Variants in DNM3 observed in about 807,000 individuals in gnomAD.
The protein encoded by DNM3 is dynamin 3, also known as dynamin-3.
In DNM3, 47 loss-of-function variants were observed where a neutral mutation model predicts 101.6. The ratio of observed to expected loss-of-function variants is 0.46; its 90% CI spans 0.37 to 0.59. The LOEUF is 0.59. Among genes scored for constraint, DNM3 ranks in the 20% least tolerant of loss-of-function variants. The pLI, the probability that DNM3 is intolerant of heterozygous loss-of-function variation, is 0.00. For synonymous variants in DNM3, 385 were observed against 387.9 expected (o/e 0.99, Z 0.09); for missense variants, 849 against 1,085.7 (o/e 0.78, Z 3.06).
chr1:172,040,641 T>C (rs879248541), intron 7 of DNM3, among the ~76,000 whole-genome samples: 1 of 152,074 alleles, frequency 6.6e-6, no homozygotes, highest in Admixed American at 6.6e-5. Flanking sequence ...CTAATAGACA[T>C]GGCAATGTTA....
intron 14 of DNM3, among the ~76,000 whole-genome samples, chr1:172,165,287 C>CA (rs2058705182): frequency 6.6e-6 from 1 of 151,382 alleles, no homozygotes; most frequent in Admixed American, 6.6e-5. Context: ...AAAGATAGAA[C>CA]AAAATGACAA....
Position 171,977,253 on chromosome 1 carries a change from G to A in DNM3, c.236-10403G>A, listed in dbSNP as rs558064691. Among the ~76,000 whole-genome samples, 14 of 152,332 alleles carry A rather than the reference G, an allele frequency of 9.2e-5. No individual in the cohort carries two copies. In the South Asian group the frequency reaches 2.3e-3, roughly 25 times the overall value. ...ACAAAGTCTTTGATGTAAATCTCAT[G>A]CATTACAGGGTCCCAGCCTTATTCT... On this transcript the variant is annotated intron_variant, in intron 2 of 20. Transcript: ENST00000627582.
intron 15 of DNM3, among the ~76,000 whole-genome samples, chr1:172,278,277 T>C (rs1419641610): frequency 6.6e-6 from 1 of 152,130 alleles, no homozygotes. Context: ...CAACTCATCA[T>C]TTATAGCCCC....
chr1:172,011,879 A>T (rs1384416141), intron 4 of DNM3, among the ~76,000 whole-genome samples: 1 of 152,054 alleles, frequency 6.6e-6, no homozygotes, highest in Non-Finnish European at 1.5e-5. Flanking sequence ...TGCTTTAAGC[A>T]TCAAGGAACA....
chr1:172,093,108 C>T (rs2054021020), intron 13 of DNM3, among the ~76,000 whole-genome samples: 1 of 152,118 alleles, frequency 6.6e-6, no homozygotes, highest in Non-Finnish European at 1.5e-5. Context: ...CTGCTACTTG[C>T]TCTGCATTTC....
intron 1 of DNM3, among the ~76,000 whole-genome samples, chr1:171,918,023 G>A (rs1247608447): frequency 6.6e-6 from 1 of 152,154 alleles, no homozygotes; most frequent in Non-Finnish European, 1.5e-5. Flanking sequence ...CTGAAGGCAG[G>A]CATAAGTGCT....
chr1:171,866,188 C>T (rs922545684), intron 1 of DNM3, among the ~76,000 whole-genome samples: 1 of 152,120 alleles, frequency 6.6e-6, no homozygotes, highest in Non-Finnish European at 1.5e-5. Context: ...CCAGTGTCAA[C>T]CCCCACCTTA....
rs1378027987 is a variant in DNM3, at chr1:172,408,006, C to A, written c.*165C>A. 1 of 1,472,420 alleles carries A rather than the reference C, an allele frequency of 6.8e-7. No homozygotes were observed. Among genetic ancestry groups the A allele is most frequent in the Admixed American group, 2.3e-5 (1 of 43,944 alleles). 91.2% of individuals were successfully genotyped at this position (1,472,420 alleles called of 1,614,324 possible). A position where few individuals can be genotyped will look rare whatever the true frequency, so the allele number is the denominator to read the frequency against. On this transcript the variant is annotated 3_prime_UTR_variant, in exon 21 of 21. Transcript: ENST00000627582. ...CTCATCTTCATTGCTCATGGTATGT[C>A]AAACCTTTGGGGTTTGACTCAGAAA... is the stretch of plus-strand genomic sequence containing the variant.
At chr1:171,841,889 G>A in intron 1 of DNM3, 72 bp downstream of exon 1, 2 of 1,533,652 alleles carry the variant, frequency 1.3e-6, no homozygotes, top group Non-Finnish European at 8.7e-7. Context: ...GAACGTGGAC[G>A]GGCAGCGGGA....
intron 15 of DNM3, among the ~76,000 whole-genome samples, chr1:172,297,421 A>C (rs2064221766): frequency 6.6e-6 from 1 of 152,114 alleles, no homozygotes; most frequent in African/African-American, 2.4e-5. Context: ...TTAGGATTGT[A>C]AGTGTATTAT....
intron 14 of DNM3, among the ~76,000 whole-genome samples, chr1:172,232,196 C>A (rs187330592): frequency 1.1e-3 from 174 of 152,222 alleles, no homozygotes; most frequent in African/African-American, 4.0e-3. Flanking sequence ...GGAGGAAGAT[C>A]TACCAAGCAA....
intron 17 of DNM3, among the ~76,000 whole-genome samples, chr1:172,371,885 T>A (rs1376623244): frequency 6.7e-6 from 1 of 148,538 alleles, no homozygotes; most frequent in African/African-American, 2.5e-5. Context: ...TTATTTTTTT[T>A]ACTTTTTTAT....
intron 14 of DNM3, among the ~76,000 whole-genome samples, chr1:172,135,376 C>T (rs542124957): frequency 6.6e-6 from 1 of 152,158 alleles, no homozygotes; most frequent in East Asian, 1.9e-4. Flanking sequence ...CACGTCCTGG[C>T]ATATCAAGTG....
chr1:172,285,760 C>T (rs1276139277), intron 15 of DNM3, among the ~76,000 whole-genome samples: 2 of 151,880 alleles, frequency 1.3e-5, no homozygotes, highest in Non-Finnish European at 1.5e-5. Context: ...TACATAAAAC[C>T]ATTGGCACCA....
intron 12 of DNM3, among the ~76,000 whole-genome samples, chr1:172,086,650 C>T (rs547854426): frequency 2.4e-4 from 37 of 152,222 alleles, no homozygotes; most frequent in Admixed American, 5.9e-4. Flanking sequence ...ATAGTGACTC[C>T]GGCTGATGGC....
At chr1:172,394,275 T>C (rs977024649) in intron 20 of DNM3, 3 of 152,232 alleles carry the variant, frequency 2.0e-5, no homozygotes, top group Non-Finnish European at 2.9e-5. Context: ...GCAGTCTGTT[T>C]AGGCGAGGCC....
intron 2 of DNM3, among the ~76,000 whole-genome samples, chr1:171,957,616 C>T (rs2042950260): frequency 6.6e-6 from 1 of 152,154 alleles, no homozygotes; most frequent in Non-Finnish European, 1.5e-5. Flanking sequence ...GAATGCTTTA[C>T]TGCTTAGAAA....
intron 2 of DNM3, among the ~76,000 whole-genome samples, chr1:171,979,171 A>G (rs1372379106): frequency 6.6e-6 from 1 of 152,192 alleles, no homozygotes; most frequent in Non-Finnish European, 1.5e-5. Context: ...AGAGTGTTTC[A>G]GGGAAGAGGA....
chr1:172,135,595 C>T (rs1394777325), intron 14 of DNM3, among the ~76,000 whole-genome samples: 6 of 150,988 alleles, frequency 4.0e-5, no homozygotes, highest in African/African-American at 7.3e-5. Context: ...AATTAATTTC[C>T]CAATGTTGTT....
Sources: gnomAD v4.1 joint callset for allele counts (sites outside exome capture counted in the v4.1 genomes callset) on GRCh38, gnomAD v4.1.1 for gene constraint, MANE v1.5 for transcripts, NCBI Gene and HGNC (gene_info 2026-07-23, HGNC 2026-07-21) for gene names.